The following DRC12 variants were observed in gnomAD, a reference collection of about 807,000 sequenced individuals.
DRC12 encodes the protein dynein regulatory complex subunit 12 homolog, also known as dynein regulatory complex protein 12.
chr11:119,195,740 C>A, the DRC12 span: 3 of 462,560 alleles, frequency 6.5e-6, no homozygotes, highest in Admixed American at 1.1e-4. Flanking sequence ...TTTAGAGAAA[C>A]GAAATCCCTG....
the DRC12 span, chr11:119,194,777 C>CA: frequency 3.4e-6 from 2 of 593,010 alleles, no homozygotes; most frequent in Middle Eastern, 2.6e-4. Context: ...ACTGCCCACC[C>CA]TCTCTCATCA....
the DRC12 span, chr11:119,195,582 T>G: frequency 4.0e-6 from 4 of 1,001,150 alleles, no homozygotes; most frequent in African/African-American, 6.6e-5. Context: ...GAGACTCTCC[T>G]GAGTCCAAAT....
the DRC12 span, chr11:119,193,854 C>T: frequency 3.2e-6 from 5 of 1,551,552 alleles, no homozygotes; most frequent in Admixed American, 2.0e-5. Flanking sequence ...CTTCGGAAGC[C>T]TTGGCTCGAC....
chr11:119,191,112 T>G, the DRC12 span, among the ~76,000 whole-genome samples: 9 of 151,976 alleles, frequency 5.9e-5, no homozygotes, highest in South Asian at 1.9e-3. Context: ...ATCTTTTTTT[T>G]TTTTTTTAGA....
At chr11:119,193,312 T>C in the DRC12 span, 2 of 1,346,920 alleles carry the variant, frequency 1.5e-6, no homozygotes, top group Non-Finnish European at 2.1e-6. Flanking sequence ...GGAAATGAAG[T>C]TGTGGGTGGG....
the DRC12 span, among the ~76,000 whole-genome samples, chr11:119,191,970 C>T: frequency 2.2e-5 from 3 of 136,842 alleles, no homozygotes; most frequent in African/African-American, 8.6e-5. Flanking sequence ...ATAGCTAAAC[C>T]GAAGGCCTTT....
chr11:119,193,671 G>A, the DRC12 span: 1 of 1,511,814 alleles, frequency 6.6e-7, no homozygotes, highest in South Asian at 1.3e-5. Context: ...GCAGTCGGAA[G>A]CCCTCCTTGT....
chr11:119,193,095 G>A, the DRC12 span: 1 of 1,447,758 alleles, frequency 6.9e-7, no homozygotes, highest in South Asian at 1.1e-5. Flanking sequence ...ACCCCTTCAT[G>A]CTGGCCCTTG....
At chr11:119,193,481 C>T in the DRC12 span, 2 of 1,177,660 alleles carry the variant, frequency 1.7e-6, no homozygotes, top group Non-Finnish European at 1.2e-6. Context: ...GCCCTTCTCC[C>T]CGCCCATGGG....
the DRC12 span, chr11:119,190,472 A>G: frequency 8.7e-6 from 14 of 1,613,638 alleles, no homozygotes; most frequent in Non-Finnish European, 1.1e-5. This position sits in a 1 kb window ranked among gnomAD's most constrained non-coding sequence, Gnocchi z 4.2. Flanking sequence ...TCAATATTTC[A>G]GACCCCAGAA....
At chr11:119,193,769 C>T in the DRC12 span, 141 of 1,551,724 alleles carry the variant, frequency 9.1e-5, 5 homozygotes, top group South Asian at 1.6e-3. Context: ...CACACACCTG[C>T]ATATATGGCC....
chr11:119,195,177 A>G, the DRC12 span: 1 of 628,742 alleles, frequency 1.6e-6, no homozygotes, highest in African/African-American at 1.8e-5. Context: ...CACATAACAG[A>G]TATGCAAAAT....
chr11:119,193,961 T>C, the DRC12 span: 119 of 1,446,990 alleles, frequency 8.2e-5, no homozygotes, highest in Admixed American at 2.6e-4. Context: ...TGATGGACTT[T>C]GCCCACCTCT....
At chr11:119,193,035 T>C in the DRC12 span, 4 of 889,168 alleles carry the variant, frequency 4.5e-6, no homozygotes, top group Non-Finnish European at 7.4e-6. Flanking sequence ...GTGGGGAAAG[T>C]GATCCAAGAG....
chr11:119,190,503 AGTGCTGC>A, the DRC12 span: 1 of 1,609,336 alleles, frequency 6.2e-7, no homozygotes, highest in Non-Finnish European at 8.5e-7. This position sits in a 1 kb window ranked among gnomAD's most constrained non-coding sequence, Gnocchi z 4.2. Flanking sequence ...GGAAGGAGTG[AGTGCTGC>A]CCCAGGTTGG....
the DRC12 span, chr11:119,190,401 C>T: frequency 1.2e-6 from 2 of 1,613,836 alleles, no homozygotes; most frequent in Non-Finnish European, 1.7e-6. This position sits in a 1 kb window ranked among gnomAD's most constrained non-coding sequence, Gnocchi z 4.2. Context: ...GCTGCCCCAT[C>T]CCACTGCTGC....
the DRC12 span, among the ~76,000 whole-genome samples, chr11:119,194,542 A>AAAAAAT: frequency 1.2e-4 from 6 of 48,212 alleles, no homozygotes; most frequent in African/African-American, 4.3e-4. Context: ...AAAAAAAAAA[A>AAAAAAT]AAATAAATAA....
At chr11:119,190,899 C>A in the DRC12 span, 1 of 1,560,028 alleles carries the variant, frequency 6.4e-7, no homozygotes, top group Admixed American at 1.8e-5. The surrounding 1 kb of genome is among the most constrained non-coding windows in gnomAD (Gnocchi z 4.2). Flanking sequence ...TGACCAGTCT[C>A]TCCAAAGGTA....
the DRC12 span, chr11:119,193,845 T>C: frequency 3.2e-6 from 5 of 1,551,608 alleles, no homozygotes; most frequent in Non-Finnish European, 4.4e-6. Context: ...TCAGCTGGTC[T>C]TCGGAAGCCT....
Sources: allele counts gnomAD v4.1 joint callset (sites outside exome capture counted in the v4.1 genomes callset), GRCh38; gene constraint gnomAD v4.1.1; non-coding constraint Gnocchi (gnomAD v3.1); transcripts MANE v1.5; gene names NCBI Gene and HGNC (gene_info 2026-07-23, HGNC 2026-07-21).